The following DGKG variants were observed in gnomAD, a reference collection of about 807,000 sequenced individuals.
The protein encoded by DGKG is diacylglycerol kinase gamma, also known as DAG kinase gamma.
A neutral mutation model predicts 105.3 loss-of-function variants in DGKG; 78 were observed. The ratio of observed to expected loss-of-function variants is 0.74; its 90% CI spans 0.62 to 0.89. The LOEUF (loss-of-function observed/expected upper bound fraction) is 0.89, where lower values mean the gene tolerates loss of function less well. Ranked by LOEUF, DGKG falls within the 40% of genes least tolerant of loss-of-function variation. DGKG has a pLI of 0.00. For missense variants in DGKG, 958 were observed against 1,020.1 expected, an observed-to-expected ratio of 0.94 and a Z score of 0.83; for synonymous variants, 346 against 367.1, an observed-to-expected ratio of 0.94 and a Z score of 0.66.
At chr3:186,276,217 A>G (rs992058672) in intron 9 of DGKG, among the ~76,000 whole-genome samples, 3 of 152,236 alleles carry the variant, frequency 2.0e-5, no homozygotes, top group Admixed American at 6.5e-5. Flanking sequence ...CATCCGTCTG[A>G]TGTAATGTTA....
intron 2 of DGKG, among the ~76,000 whole-genome samples, chr3:186,316,175 GATGAGTC>G (rs1285196756): frequency 6.6e-6 from 1 of 152,234 alleles, no homozygotes; most frequent in Admixed American, 6.5e-5. Context: ...GTGGAGCAGA[GATGAGTC>G]ATGCCCACCA....
At chr3:186,166,759 A>G (rs1045168719) in intron 22 of DGKG, among the ~76,000 whole-genome samples, 3 of 151,524 alleles carry the variant, frequency 2.0e-5, no homozygotes, top group Admixed American at 2.0e-4. Flanking sequence ...TGATGTTGGG[A>G]TAGGAGAGAG....
chr3:186,260,531 AAAGG>A lies in DGKG; in HGVS notation c.1350-22_1350-19del. On this transcript the variant is annotated intron_variant, in intron 15 of 24. Transcript: ENST00000265022. ...GAAGAATTCTATGGAAAAAAAAAGA[AAAGG>A]AGGGAGAGAGAGAGACAGAGAAGGA... 6 of 1,579,368 alleles carry A rather than the reference AAAGG, an allele frequency of 3.8e-6. No individual in the cohort carries two copies. The highest frequency in any genetic ancestry group is 1.3e-5 in the African/African-American group (1 of 74,320).
chr3:186,242,651 C>G (rs986028227), intron 19 of DGKG, 83 bp from the exon 20 acceptor site: 2 of 1,212,160 alleles, frequency 1.6e-6, no homozygotes, highest in African/African-American at 1.5e-5. Context: ...CGCATGCACT[C>G]GCTGAGTCAT....
intron 1 of DGKG, among the ~76,000 whole-genome samples, chr3:186,329,879 A>C (rs777111465): frequency 1.3e-5 from 2 of 152,238 alleles, no homozygotes; most frequent in Non-Finnish European, 2.9e-5. Flanking sequence ...CAGTGCATGT[A>C]CTTACCAACT....
chr3:186,179,355 C>G (rs951031576), intron 22 of DGKG, among the ~76,000 whole-genome samples: 3 of 152,172 alleles, frequency 2.0e-5, no homozygotes, highest in African/African-American at 7.2e-5. Context: ...ATAGTTACTA[C>G]ATGGCCCTTT....
chr3:186,269,414 G>A (rs569308457), intron 11 of DGKG, among the ~76,000 whole-genome samples: 15 of 152,308 alleles, frequency 9.8e-5, no homozygotes, highest in African/African-American at 2.6e-4. Flanking sequence ...GGTATAAGAA[G>A]TCCCACCTCT....
intron 20 of DGKG, among the ~76,000 whole-genome samples, chr3:186,227,522 CA>C (rs1046267571): frequency 2.6e-5 from 4 of 152,090 alleles, no homozygotes; most frequent in Non-Finnish European, 5.9e-5. Flanking sequence ...CCTGGCATAG[CA>C]GAGTTGTAAA....
intron 6 of DGKG, among the ~76,000 whole-genome samples, chr3:186,287,737 C>T (rs1489402134): frequency 2.6e-5 from 4 of 152,180 alleles, no homozygotes; most frequent in Non-Finnish European, 5.9e-5. Flanking sequence ...ACACTTCAAA[C>T]CTATGGGAGA....
chr3:186,292,807 CA>C (rs1191250809), intron 5 of DGKG, among the ~76,000 whole-genome samples: 79 of 133,978 alleles, frequency 5.9e-4, no homozygotes, highest in East Asian at 1.1e-3. Context: ...GACTCCATCT[CA>C]AAAAAAAAAA....
Position 186,253,194 on chromosome 3 carries a change from A to G in DGKG, c.1511-12T>C. The G allele has an allele frequency of 6.2e-7, 1 of 1,603,604 alleles. No homozygotes were observed. Among genetic ancestry groups the G allele is most frequent in the Non-Finnish European group, 8.5e-7 (1 of 1,170,340 alleles). On this transcript the variant is annotated splice_polypyrimidine_tract_variant and intron_variant, in intron 17 of 24. Coordinates refer to ENST00000265022, the MANE Select transcript of DGKG (RefSeq NM_001346.3). The stretch of plus-strand genomic sequence containing the variant: ...AAAGTTGGCCTTATCTGCAAGACAC[A>G]CAGAGGAACAGAGAACCATATGCCA...
At chr3:186,288,208 C>T (rs183343720) in intron 6 of DGKG, among the ~76,000 whole-genome samples, 10 of 151,894 alleles carry the variant, frequency 6.6e-5, no homozygotes, top group Admixed American at 1.3e-4. Flanking sequence ...CTTGGGGTGG[C>T]GGGGGGGCAT....
At chr3:186,346,190 A>G (rs1726323695) in intron 1 of DGKG, among the ~76,000 whole-genome samples, 1 of 152,208 alleles carries the variant, frequency 6.6e-6, no homozygotes, top group Non-Finnish European at 1.5e-5. Flanking sequence ...GACTTTTGAT[A>G]GAATACTCTG....
At chr3:186,190,855 G>A (rs530099968) in intron 21 of DGKG, among the ~76,000 whole-genome samples, 2 of 152,106 alleles carry the variant, frequency 1.3e-5, no homozygotes, top group Non-Finnish European at 2.9e-5. Context: ...AACAGTGACC[G>A]AGCACTCTCC....
At chr3:186,220,785 C>A (rs1014647390) in intron 20 of DGKG, among the ~76,000 whole-genome samples, 4 of 152,146 alleles carry the variant, frequency 2.6e-5, no homozygotes, top group African/African-American at 9.7e-5. Flanking sequence ...GCCTCTGTAC[C>A]CCTTCAAGGG....
chr3:186,332,446 C>T (rs571524059), intron 1 of DGKG, among the ~76,000 whole-genome samples: 2 of 152,134 alleles, frequency 1.3e-5, no homozygotes, highest in East Asian at 3.9e-4. Context: ...TGCTGAGGGG[C>T]TGATGTAGGG....
intron 22 of DGKG, among the ~76,000 whole-genome samples, chr3:186,176,895 G>A (rs1193747778): frequency 6.6e-6 from 1 of 152,230 alleles, no homozygotes; most frequent in Non-Finnish European, 1.5e-5. Context: ...GCTAACAGAA[G>A]CCCCTGGTGA....
chr3:186,278,285 C>T (rs1722676258), intron 9 of DGKG, among the ~76,000 whole-genome samples: 1 of 152,052 alleles, frequency 6.6e-6, no homozygotes, highest in Non-Finnish European at 1.5e-5. Context: ...TGTTTTGGAA[C>T]AGAACTTCCA....
At chr3:186,209,537 G>A (rs954860151) in intron 21 of DGKG, among the ~76,000 whole-genome samples, 9 of 152,164 alleles carry the variant, frequency 5.9e-5, no homozygotes, top group African/African-American at 1.9e-4. Flanking sequence ...TGAAGATGGC[G>A]AAATGTAGTA....
Sources: allele counts gnomAD v4.1 joint callset (sites outside exome capture counted in the v4.1 genomes callset), GRCh38; gene constraint gnomAD v4.1.1; transcripts MANE v1.5; gene names NCBI Gene and HGNC (gene_info 2026-07-23, HGNC 2026-07-21).